The following LSM11 variants were observed in gnomAD, a reference collection of about 807,000 sequenced individuals.
The protein encoded by LSM11 is LSM11, U7 small nuclear RNA associated.
LSM11 carries 14 observed loss-of-function variants against 28.1 expected under a neutral mutation model. The observed-to-expected ratio is 0.50, with a 90% CI of 0.33 to 0.78. The LOEUF (loss-of-function observed/expected upper bound fraction) is 0.78, where lower values mean the gene tolerates loss of function less well. LSM11 is among the 30% of genes least tolerant of loss of function. LSM11 has a pLI of 0.02. For missense variants in LSM11, 495 were observed against 510.6 expected (o/e 0.97, Z 0.30); for synonymous variants, 207 against 214.2 (o/e 0.97, Z 0.30).
chr5:157,755,040 G>T lies in LSM11; in HGVS notation c.859G>T (p.Ala287Ser). 3.1e-6 allele frequency: 5 copies of T among 1,614,220 alleles called. 1 individual carries two copies. The South Asian group carries it at 5.5e-5, about 18-fold the overall frequency. The part of the protein sequence containing the change: ...RSRSVPSSLQ[A>S]SAREESRSEL... ...CCGCTCTGTCCCTTCTTCCCTGCAG[G>T]CCTCTGCAAGGGAGGAGTCCAGGTC... The change falls in exon 4 of 4, where the codon GCC becomes TCC. Residue 287 changes from alanine (A) to serine (S), a missense_variant. Transcript: ENST00000286307.
At position 157,754,973 on chromosome 5, in the gene LSM11, G is replaced by A. The variant is rs1455718125; in HGVS notation, c.792G>A (p.Val264=). The change falls in exon 4 of 4, where the codon GTG becomes GTA. Residue 264 remains valine (V), a synonymous_variant. Transcript: ENST00000286307. ...SQTSTWKLAS[V]WGRADTGRGS... Reference sequence around the variant, plus strand: ...CATCCACTTGGAAGTTGGCTTCAGTGTGGGGAAGAGCAGACACTGGCCGGG... The same window carrying A: ...CATCCACTTGGAAGTTGGCTTCAGTATGGGGAAGAGCAGACACTGGCCGGG... The A allele has an allele frequency of 6.2e-7, 1 of 1,614,094 alleles. No individual in the cohort carries two copies. Among genetic ancestry groups the A allele is most frequent in the Non-Finnish European group, 8.5e-7 (1 of 1,180,040 alleles).
chr5:157,748,006 T>A (rs970989098), intron 1 of LSM11, among the ~76,000 whole-genome samples: 1 of 151,746 alleles, frequency 6.6e-6, no homozygotes, highest in Non-Finnish European at 1.5e-5. Context: ...TGTGTGTGTG[T>A]GTGTGTGTGT....
In LSM11 at chr5:157,755,934, C is replaced by G. The variant is rs887309033; in HGVS notation, c.*670C>G. ...AGGACCTCTTCAGTCTTCCCCTTAC[C>G]AGAGGTAGCCTCTGCAAATGGCATA... On this transcript the variant is annotated 3_prime_UTR_variant, in exon 4 of 4. Transcript: ENST00000286307. 3 of 375,858 alleles carry G rather than the reference C, an allele frequency of 8.0e-6. No individual in the cohort carries two copies. The highest frequency in any genetic ancestry group is 6.3e-5 in the African/African-American group (3 of 47,988). 23.3% of individuals were successfully genotyped at this position (375,858 alleles called of 1,614,324 possible).
rs1761344855 is a variant in LSM11 at position 157,757,429 on chromosome 5, A to G, written c.*2165A>G. The G allele has an allele frequency of 6.6e-6, 1 of 152,188 alleles. No individual in the cohort carries two copies. Among genetic ancestry groups the G allele is most frequent in the African/African-American group, 2.4e-5 (1 of 41,430 alleles). 9.4% of individuals were successfully genotyped at this position (152,188 alleles called of 1,614,324 possible). A position where few individuals can be genotyped will look rare whatever the true frequency, so the allele number is the denominator to read the frequency against. On this transcript the variant is annotated 3_prime_UTR_variant, in exon 4 of 4. Coordinates refer to ENST00000286307, the MANE Select transcript of LSM11 (RefSeq NM_173491.4). Reference sequence around the variant, plus strand: ...CTTTTCAAGGGGTTTATATGGTAGCACCAAATGGAGAATGAGCATCTAAAA... The same window carrying G: ...CTTTTCAAGGGGTTTATATGGTAGCGCCAAATGGAGAATGAGCATCTAAAA...
intron 3 of LSM11, 72 bp from the exon 4 acceptor site, chr5:157,754,782 T>C: frequency 7.2e-7 from 1 of 1,391,240 alleles, no homozygotes; most frequent in Non-Finnish European, 9.7e-7. Context: ...GAATTTGGTC[T>C]TTTTCTGTAT....
In LSM11 at chr5:157,744,058, C is replaced by T. The variant is rs1254592165; in HGVS notation, c.308C>T (p.Pro103Leu). ...AGGACTCGTCGCCGCCCGGACGCGC[C>T]CGCCCCGGACCCCGAGCGCATCCAG... ...SGRTRRRPDA[P>L]APDPERIQRL... is the part of the protein sequence containing the mutation. Residue 103 changes from proline (P) to leucine (L), a missense_variant, in exon 1 of 4, where the codon CCC (proline) becomes CTC (leucine). Pro to Leu is a moderately conservative substitution (Grantham distance 98). Transcript: ENST00000286307. The T allele has an allele frequency of 2.7e-6, 4 of 1,455,596 alleles. No homozygotes were observed. The highest frequency in any genetic ancestry group is 3.6e-6 in the Non-Finnish European group (4 of 1,105,848). The allele number at this position is 1,455,596 out of a possible 1,614,324, so 90.2% of individuals were successfully genotyped here.
In LSM11 at chr5:157,757,969, T is replaced by C. The variant is rs992827651; in HGVS notation, c.*2705T>C. The C allele has an allele frequency of 6.6e-6, 1 of 152,244 alleles. No homozygotes were observed. The highest frequency in any genetic ancestry group is 1.5e-5 in the Non-Finnish European group (1 of 68,038). 9.4% of individuals were successfully genotyped at this position (152,244 alleles called of 1,614,324 possible). A position where few individuals can be genotyped will look rare whatever the true frequency, so the allele number is the denominator to read the frequency against. On this transcript the variant is annotated 3_prime_UTR_variant, in exon 4 of 4. Transcript: ENST00000286307. The stretch of plus-strand genomic sequence containing the variant: ...TTATGTTTAAACTGTGTATGATCTA[T>C]TTTATGTGCTCTATGTTCCCATTTG...
At chr5:157,751,814 C>T (rs1339643345) in intron 2 of LSM11, among the ~76,000 whole-genome samples, 3 of 152,194 alleles carry the variant, frequency 2.0e-5, no homozygotes, top group African/African-American at 7.2e-5. Context: ...GGAGAGGGTA[C>T]TACTGGCATC....
chr5:157,759,766 C>T lies in LSM11; in HGVS notation c.*4502C>T, dbSNP rs1425619532. On this transcript the variant is annotated 3_prime_UTR_variant, in exon 4 of 4. Transcript: ENST00000286307. Reference sequence around the variant, plus strand: ...TGGTTGTAAATGCAAGAATCCTGAGCCCTGTGTTGCAAAGGTGGGTGGTCT... The same window carrying T: ...TGGTTGTAAATGCAAGAATCCTGAGTCCTGTGTTGCAAAGGTGGGTGGTCT... 2.0e-5 allele frequency: 3 copies of T among 152,184 alleles called. No individual in the cohort carries two copies. The highest frequency in any genetic ancestry group is 7.2e-5 in the African/African-American group (3 of 41,436). 9.4% of individuals were successfully genotyped at this position (152,184 alleles called of 1,614,324 possible). A position where few individuals can be genotyped will look rare whatever the true frequency, so the allele number is the denominator to read the frequency against.
At position 157,755,801 on chromosome 5, in the gene LSM11, G is replaced by A. The variant is rs1456011982; in HGVS notation, c.*537G>A. 2.2e-5 allele frequency: 9 copies of A among 401,090 alleles called. No homozygotes were observed. The highest frequency in any genetic ancestry group is 3.5e-5 in the Non-Finnish European group (8 of 227,798). 24.8% of individuals were successfully genotyped at this position (401,090 alleles called of 1,614,324 possible). ...TATATTATCTTTGAATATCTACAAG[G>A]AAAGTTACCAACTTATGTAGGGGTG... On this transcript the variant is annotated 3_prime_UTR_variant, in exon 4 of 4. Transcript: ENST00000286307.
In LSM11 at chr5:157,755,195, A is replaced by C. The variant is rs144459057; in HGVS notation, c.1014A>C (p.Val338=). ...KRKPKVDYQQ[V]FTRHINQIFI... ...AGCCCAAAGTGGATTACCAGCAGGT[A>C]TTCACTCGACACATAAATCAGATTT... The change falls in exon 4 of 4, where the codon GTA becomes GTC. Residue 338 remains valine, a synonymous_variant. Transcript: ENST00000286307. The C allele has an allele frequency of 1.4e-4, 231 of 1,614,260 alleles. No individual in the cohort carries two copies. The African/African-American group carries it at 2.8e-3, about 19-fold the overall frequency.
intron 1 of LSM11, among the ~76,000 whole-genome samples, chr5:157,749,604 ACACC>A (rs1554095391): frequency 6.6e-6 from 1 of 151,676 alleles, no homozygotes; most frequent in African/African-American, 2.4e-5. Flanking sequence ...ACACACACAC[ACACC>A]CACACACCCA....
At chr5:157,749,999 T>C (rs1761206067) in intron 1 of LSM11, among the ~76,000 whole-genome samples, 1 of 152,242 alleles carries the variant, frequency 6.6e-6, no homozygotes, top group South Asian at 2.1e-4. Flanking sequence ...AAATACTCTA[T>C]ATATCCAGAC....
At chr5:157,745,115 A>G (rs1288035289) in intron 1 of LSM11, among the ~76,000 whole-genome samples, 1 of 152,246 alleles carries the variant, frequency 6.6e-6, no homozygotes, top group Non-Finnish European at 1.5e-5. Context: ...TAGGTCTTGT[A>G]TAAATGGAAT....
In LSM11 at chr5:157,759,265, G is replaced by A. The variant is rs1408289179; in HGVS notation, c.*4001G>A. ...CTTTAGAGATTGTCAAGTCCTGAGC[G>A]ATGAGCTGCCCTTAATCCTCAGAAG... On this transcript the variant is annotated 3_prime_UTR_variant, in exon 4 of 4. Coordinates refer to ENST00000286307, the MANE Select transcript of LSM11 (RefSeq NM_173491.4). 1 of 152,196 alleles carries A rather than the reference G, an allele frequency of 6.6e-6. No homozygotes were observed. The highest frequency in any genetic ancestry group is 1.5e-5 in the Non-Finnish European group (1 of 68,040). The allele number at this position is 152,196 out of a possible 1,614,324, so 9.4% of individuals were successfully genotyped here.
At position 157,755,190 on chromosome 5, in the gene LSM11, C is replaced by A. The variant is rs1223295550; in HGVS notation, c.1009C>A (p.Gln337Lys). The change falls in exon 4 of 4, where the codon CAG becomes AAG. Residue 337 changes from glutamine (Q) to lysine (K), a missense_variant. Transcript: ENST00000286307. ...GCGAAAGCCCAAAGTGGATTACCAG[C>A]AGGTATTCACTCGACACATAAATCA... ...KKRKPKVDYQ[Q>K]VFTRHINQIF... 1 of 1,614,218 alleles carries A rather than the reference C, an allele frequency of 6.2e-7. No individual in the cohort carries two copies. The highest frequency in any genetic ancestry group is 1.3e-5 in the African/African-American group (1 of 75,060).
chr5:157,744,173 A>G lies in LSM11; in HGVS notation c.423A>G (p.Pro141=). The change falls in exon 1 of 4, where the codon CCA becomes CCG. Residue 141 remains proline (P), a synonymous_variant. Transcript: ENST00000286307. ...RRGPGRSRKA[P]RNVLTRMPLH... ...GTCCGGGTCGGAGCAGGAAGGCGCCACGCAACGTGCTCACGCGAATGCCCT... is the reference window on the plus strand; with the variant it reads ...GTCCGGGTCGGAGCAGGAAGGCGCCGCGCAACGTGCTCACGCGAATGCCCT... 2.2e-6 allele frequency: 3 copies of G among 1,369,888 alleles called. No individual in the cohort carries two copies. The highest frequency in any genetic ancestry group is 2.8e-6 in the Non-Finnish European group (3 of 1,060,586). The allele number at this position is 1,369,888 out of a possible 1,614,324, so 84.9% of individuals were successfully genotyped here.
chr5:157,749,087 A>G (rs1761187165), intron 1 of LSM11, among the ~76,000 whole-genome samples: 1 of 152,202 alleles, frequency 6.6e-6, no homozygotes, highest in African/African-American at 2.4e-5. Context: ...TGCTTCCTGG[A>G]ATTACACCTT....
rs1199920717 is a variant in LSM11, at chr5:157,755,920, A to C, written c.*656A>C. The C allele has an allele frequency of 2.6e-6, 1 of 385,388 alleles. No individual in the cohort carries two copies. Among genetic ancestry groups the C allele is most frequent in the East Asian group, 3.7e-5 (1 of 27,128 alleles). The allele number at this position is 385,388 out of a possible 1,614,324, so 23.9% of individuals were successfully genotyped here. A position where few individuals can be genotyped will look rare whatever the true frequency, so the allele number is the denominator to read the frequency against. ...ATGGAAAGGAGTACAGGACCTCTTC[A>C]GTCTTCCCCTTACCAGAGGTAGCCT... On this transcript the variant is annotated 3_prime_UTR_variant, in exon 4 of 4. Transcript: ENST00000286307.
Sources: gnomAD v4.1 joint callset for allele counts (sites outside exome capture counted in the v4.1 genomes callset) on GRCh38, gnomAD v4.1.1 for gene constraint, MANE v1.5 for transcripts, NCBI Gene and HGNC (gene_info 2026-07-23, HGNC 2026-07-21) for gene names.